SCAI: variants seen among roughly 807,000 people sequenced by gnomAD.
SCAI encodes the protein protein SCAI.
SCAI carries 24 observed loss-of-function variants against 92.2 expected under a neutral mutation model. The ratio of observed to expected loss-of-function variants is 0.26; its 90% confidence interval spans 0.19 to 0.37. The LOEUF (loss-of-function observed/expected upper bound fraction) is 0.37, where lower values mean the gene tolerates loss of function less well. Ranked by LOEUF, SCAI falls within the 10% of genes least tolerant of loss-of-function variation. The pLI, the probability that SCAI is intolerant of heterozygous loss-of-function variation, is 1.00. For synonymous variants in SCAI, 261 were observed against 258.6 expected (o/e 1.01, Z -0.09); for missense variants, 450 against 736.2 (o/e 0.61, Z 4.50).
At position 125,126,136 on chromosome 9, in the gene SCAI, T is replaced by C. The variant is rs374551636; in HGVS notation, c.98+16497A>G. ...GTCAAGCTGTTGGCTTGGACTATAG[T>C]CATCCTCAAGGCTCAACTAGAGTAG... On this transcript the variant is annotated intron_variant, in intron 2 of 17. Coordinates refer to ENST00000336505, the MANE Select transcript of SCAI (RefSeq NM_001144877.3). Among the ~76,000 whole-genome samples, 25 of 152,310 alleles carry C rather than the reference T, an allele frequency of 1.6e-4. No homozygotes were observed. In the East Asian group the frequency reaches 4.8e-3, roughly 29 times the overall value.
At chr9:125,116,348 C>T (rs1245709377) in intron 2 of SCAI, among the ~76,000 whole-genome samples, 1 of 152,126 alleles carries the variant, frequency 6.6e-6, no homozygotes, top group African/African-American at 2.4e-5. Flanking sequence ...AGAAATATCC[C>T]TGCCCTCACA....
intron 2 of SCAI, among the ~76,000 whole-genome samples, chr9:125,097,987 A>G (rs1275186247): frequency 2.0e-5 from 3 of 151,572 alleles, no homozygotes; most frequent in African/African-American, 7.3e-5. Context: ...TCTGATCTAT[A>G]TAAGAATATA....
intron 14 of SCAI, among the ~76,000 whole-genome samples, chr9:124,982,641 C>T (rs986730564): frequency 1.7e-4 from 25 of 142,936 alleles, no homozygotes; most frequent in African/African-American, 5.5e-4. Flanking sequence ...GAACATGTCA[C>T]TGCATCCCAG....
chr9:125,017,068 T>C (rs1344696112), intron 9 of SCAI, among the ~76,000 whole-genome samples: 1 of 152,124 alleles, frequency 6.6e-6, no homozygotes, highest in Non-Finnish European at 1.5e-5. Context: ...AGGACTTTCA[T>C]GTAGAATATA....
chr9:125,140,255 C>T lies in SCAI; in HGVS notation c.98+2378G>A, dbSNP rs371961176. On this transcript the variant is annotated intron_variant, in intron 2 of 17. Coordinates refer to ENST00000336505, the MANE Select transcript of SCAI (RefSeq NM_001144877.3). ...AAAAGAAGTAAGTGAAGGCCAGGCC[C>T]GGTGGCTCACACCTGTAATCCCAGC... Among the ~76,000 whole-genome samples the T allele has an allele frequency of 4.8e-5, 7 of 146,830 alleles. No individual in the cohort carries two copies. The South Asian group carries it at 1.1e-3, about 23-fold the overall frequency.
chr9:125,122,996 C>T (rs1835188513), intron 2 of SCAI, among the ~76,000 whole-genome samples: 1 of 152,200 alleles, frequency 6.6e-6, no homozygotes, highest in Non-Finnish European at 1.5e-5. Context: ...AATCCTTTTA[C>T]TTGATGACAA....
intron 2 of SCAI, among the ~76,000 whole-genome samples, chr9:125,107,942 C>T (rs1467464097): frequency 6.6e-6 from 1 of 152,186 alleles, no homozygotes; most frequent in Admixed American, 6.5e-5. Flanking sequence ...CCTGATTCTC[C>T]TGTCTCAGCC....
intron 17 of SCAI, among the ~76,000 whole-genome samples, chr9:124,960,035 C>T (rs1831408075): frequency 6.6e-6 from 1 of 152,052 alleles, no homozygotes; most frequent in African/African-American, 2.4e-5. Flanking sequence ...ATTTATAATC[C>T]TTTGGGTATA....
At chr9:124,968,634 A>T in intron 17 of SCAI, 1 of 973,162 alleles carries the variant, frequency 1.0e-6, no homozygotes, top group Admixed American at 1.7e-5. Flanking sequence ...TTCCTCCGCT[A>T]GTCTTTCATA....
rs1831187469 is a variant in SCAI, at chr9:124,948,548, TGAG to T, written c.*4256_*4258del. 1.3e-5 allele frequency: 2 copies of T among 152,252 alleles called. No homozygotes were observed. The highest frequency in any genetic ancestry group is 1.5e-5 in the Non-Finnish European group (1 of 68,052). 9.4% of individuals were successfully genotyped at this position (152,252 alleles called of 1,614,324 possible). A position where few individuals can be genotyped will look rare whatever the true frequency, so the allele number is the denominator to read the frequency against. On this transcript the variant is annotated 3_prime_UTR_variant, in exon 18 of 18. Coordinates refer to ENST00000336505, the MANE Select transcript of SCAI (RefSeq NM_001144877.3). ...AGCTACTGAGAAGACTGGGCTGAGA[TGAG>T]GAGATCTGAGTTTTAGTTCTAGCTC...
At chr9:124,983,607 C>T (rs1482117058) in intron 14 of SCAI, among the ~76,000 whole-genome samples, 1 of 152,242 alleles carries the variant, frequency 6.6e-6, no homozygotes, top group Non-Finnish European at 1.5e-5. Context: ...CCCGCCTCAG[C>T]CTCCCAAAGT....
intron 3 of SCAI, among the ~76,000 whole-genome samples, chr9:125,053,620 A>T (rs1433806241): frequency 6.6e-6 from 1 of 152,212 alleles, no homozygotes; most frequent in Non-Finnish European, 1.5e-5. Context: ...GTAAATCCAT[A>T]GAGAAAAAAA....
intron 2 of SCAI, among the ~76,000 whole-genome samples, chr9:125,107,665 C>A (rs1834828658): frequency 6.6e-6 from 1 of 152,162 alleles, no homozygotes; most frequent in Admixed American, 6.5e-5. Context: ...ACTCAGGAAG[C>A]TGAGGCAGGA....
intron 2 of SCAI, among the ~76,000 whole-genome samples, chr9:125,072,668 C>A (rs780683277): frequency 6.6e-6 from 1 of 152,128 alleles, no homozygotes; most frequent in African/African-American, 2.4e-5. Flanking sequence ...AAATTCTATA[C>A]CCACTACTTA....
intron 3 of SCAI, among the ~76,000 whole-genome samples, chr9:125,033,999 G>A (rs931720788): frequency 6.6e-6 from 1 of 152,124 alleles, no homozygotes; most frequent in African/African-American, 2.4e-5. Context: ...ACACACAAGT[G>A]GGTCACTGGG....
At chr9:125,104,274 A>G (rs1292185208) in intron 2 of SCAI, among the ~76,000 whole-genome samples, 2 of 152,212 alleles carry the variant, frequency 1.3e-5, no homozygotes, top group Non-Finnish European at 2.9e-5. Context: ...GTGATTGGAA[A>G]AACGACAAAG....
chr9:124,956,872 G>GT (rs1160513540), intron 17 of SCAI, among the ~76,000 whole-genome samples: 1 of 151,878 alleles, frequency 6.6e-6, no homozygotes, highest in Admixed American at 6.6e-5. Context: ...AAGTAAAGCT[G>GT]TTTTTTGTTT....
intron 17 of SCAI, among the ~76,000 whole-genome samples, chr9:124,967,770 G>C (rs1335524295): frequency 6.6e-6 from 1 of 152,160 alleles, no homozygotes; most frequent in Non-Finnish European, 1.5e-5. Context: ...ATAAGAAATT[G>C]TCTTCCCATG....
At chr9:125,008,026 T>G (rs1165804051) in intron 9 of SCAI, among the ~76,000 whole-genome samples, 1 of 151,942 alleles carries the variant, frequency 6.6e-6, no homozygotes, top group Admixed American at 6.6e-5. Flanking sequence ...TTTGTATTTT[T>G]AGTAGAGACG....
Sources: gnomAD v4.1 joint callset for allele counts (sites outside exome capture counted in the v4.1 genomes callset) on GRCh38, gnomAD v4.1.1 for gene constraint, MANE v1.5 for transcripts, NCBI Gene and HGNC (gene_info 2026-07-23, HGNC 2026-07-21) for gene names.